The following BRD7 variants were observed in gnomAD, a reference collection of about 807,000 sequenced individuals.
BRD7 encodes bromodomain-containing protein 7.
Under a neutral mutation model 82.1 loss-of-function variants are expected in BRD7, and 15 were observed. The ratio of observed to expected loss-of-function variants is 0.18; its 90% CI spans 0.12 to 0.28. BRD7 has a LOEUF of 0.28. BRD7 is among the 10% of genes least tolerant of loss of function. The pLI is 1.00. For synonymous variants in BRD7, 232 were observed against 266.9 expected, an observed-to-expected ratio of 0.87 and a Z score of 1.27; for missense variants, 638 against 779.9, an observed-to-expected ratio of 0.82 and a Z score of 2.17.
chr16:50,323,509 C>CATTATACTGA, intron 12 of BRD7, 78 bp downstream of exon 12: 2 of 1,211,382 alleles, frequency 1.7e-6, no homozygotes, highest in Admixed American at 1.8e-5. Flanking sequence ...TTGTTAATCC[C>CATTATACTGA]ATGGTTTCAT....
chr16:50,356,845 TA>T (rs2038756115), intron 2 of BRD7, among the ~76,000 whole-genome samples: 1 of 152,188 alleles, frequency 6.6e-6, no homozygotes, highest in Admixed American at 6.5e-5. Context: ...TCTGCATTCT[TA>T]AAATTTAAAT....
intron 5 of BRD7, among the ~76,000 whole-genome samples, chr16:50,345,915 A>G (rs1396711024): frequency 3.3e-5 from 5 of 152,182 alleles, no homozygotes; most frequent in Non-Finnish European, 5.9e-5. Flanking sequence ...TGCACCAAGC[A>G]GACCTAATAG....
rs2151219852 is a variant in BRD7, at chr16:50,368,163, T to C, written c.185A>G (p.Lys62Arg). 3.1e-6 allele frequency: 5 copies of C among 1,614,160 alleles called. No individual in the cohort carries two copies. The East Asian group carries it at 1.1e-4, about 36-fold the overall frequency. ...KNDHDKHKDR[K>R]RKKRKKGEKQ... is the part of the protein sequence containing the mutation. The stretch of plus-strand genomic sequence containing the variant: ...CTCTCCTTTCTTTCTCTTTTTCCGC[T>C]TTCTGTCCTTGTGTTTGTCATGATC... The change falls in exon 2 of 17, where the codon AAG becomes AGG. Residue 62 changes from lysine (K) to arginine (R), a missense_variant. Around this residue, in one of 3 missense-constraint regions of BRD7, gnomAD observed 172 missense variants for 155.3 expected, o/e 1.11. Coordinates refer to ENST00000394688, the MANE Select transcript of BRD7 (RefSeq NM_013263.5).
intron 5 of BRD7, among the ~76,000 whole-genome samples, chr16:50,346,956 A>G (rs2038309360): frequency 6.6e-6 from 1 of 152,200 alleles, no homozygotes; most frequent in Non-Finnish European, 1.5e-5. Context: ...AGACACAACA[A>G]AAAAAGAGAA....
intron 13 of BRD7, among the ~76,000 whole-genome samples, chr16:50,321,164 C>A (rs2037082959): frequency 6.6e-6 from 1 of 152,172 alleles, no homozygotes; most frequent in Non-Finnish European, 1.5e-5. Context: ...TATTTCAGTC[C>A]ATCTAGTCCG....
At chr16:50,362,247 T>C (rs539174771) in intron 2 of BRD7, among the ~76,000 whole-genome samples, 1 of 152,330 alleles carries the variant, frequency 6.6e-6, no homozygotes. Flanking sequence ...GGGCACTGAC[T>C]TTATTTCCCC....
intron 8 of BRD7, among the ~76,000 whole-genome samples, chr16:50,329,603 A>T (rs2037474448): frequency 6.6e-6 from 1 of 152,134 alleles, no homozygotes; most frequent in Non-Finnish European, 1.5e-5. Flanking sequence ...CCTGTGCGTG[A>T]GTACAAGGAC....
chr16:50,368,901 G>A lies in BRD7; in HGVS notation c.-127C>T, dbSNP rs1282059677. On this transcript the variant is annotated 5_prime_UTR_variant, in exon 1 of 17. Transcript: ENST00000394688. ...GAGACCCCGCGCCGCGAGGCAGGGG[G>A]GCGGCGCGCGCCGGGCGGCGCGATG... The A allele has an allele frequency of 4.9e-5, 22 of 446,128 alleles. No individual in the cohort carries two copies. The highest frequency in any genetic ancestry group is 6.6e-5 in the Admixed American group (1 of 15,134). The allele number at this position is 446,128 out of a possible 1,614,324, so 27.6% of individuals were successfully genotyped here.
In BRD7 at chr16:50,318,932, A is replaced by T; in HGVS notation, c.*279T>A. On this transcript the variant is annotated 3_prime_UTR_variant, in exon 17 of 17. Coordinates refer to ENST00000394688, the MANE Select transcript of BRD7 (RefSeq NM_013263.5). ...GCCGTTTTAAGAACGCTTCTTAGTG[A>T]TGATCCTGTCTGTGGGACATAAGGA... 1 of 335,228 alleles carries T rather than the reference A, an allele frequency of 3.0e-6. No individual in the cohort carries two copies. Among genetic ancestry groups the T allele is most frequent in the African/African-American group, 2.1e-5 (1 of 46,744 alleles). The allele number at this position is 335,228 out of a possible 1,614,324, so 20.8% of individuals were successfully genotyped here. A position where few individuals can be genotyped will look rare whatever the true frequency, so the allele number is the denominator to read the frequency against.
intron 2 of BRD7, among the ~76,000 whole-genome samples, chr16:50,356,045 G>A (rs2038718535): frequency 6.6e-6 from 1 of 152,220 alleles, no homozygotes; most frequent in Non-Finnish European, 1.5e-5. Flanking sequence ...AATGTGAAAT[G>A]TTGAGAACAT....
At chr16:50,320,071 C>G in intron 15 of BRD7, 41 bp from the exon 16 acceptor site, 1 of 1,575,548 alleles carries the variant, frequency 6.3e-7, no homozygotes, top group East Asian at 2.2e-5. Context: ...AAGCATGGTT[C>G]CTTTAGATAG....
intron 2 of BRD7, 94 bp from the exon 3 acceptor site, chr16:50,355,016 A>G: frequency 1.4e-6 from 2 of 1,397,752 alleles, no homozygotes; most frequent in Admixed American, 2.2e-5. Flanking sequence ...ACATCATTGT[A>G]AAGAAAATAT....
At chr16:50,320,843 C>A in intron 13 of BRD7, 69 bp from the exon 14 acceptor site, 1 of 1,048,396 alleles carries the variant, frequency 9.5e-7, no homozygotes, top group Non-Finnish European at 1.5e-6. Context: ...CTAGAAATTA[C>A]TCAGATGGCA....
At chr16:50,319,749 C>A (rs1367475958) in intron 16 of BRD7, 138 bp downstream of exon 16, 4 of 1,071,450 alleles carry the variant, frequency 3.7e-6, no homozygotes, top group African/African-American at 1.6e-5. Context: ...ATGTTAGGGA[C>A]TTGAGCATCT....
intron 4 of BRD7, among the ~76,000 whole-genome samples, chr16:50,352,320 G>C (rs1373091621): frequency 6.6e-6 from 1 of 152,144 alleles, no homozygotes; most frequent in Non-Finnish European, 1.5e-5. Context: ...TCTGTGTTTG[G>C]CTTATTTAAC....
chr16:50,325,653 T>C (rs761710624), intron 11 of BRD7, 95 bp downstream of exon 11: 4 of 1,204,510 alleles, frequency 3.3e-6, no homozygotes, highest in Non-Finnish European at 4.5e-6. Context: ...CATTTTTTTT[T>C]ACTACTCGGC....
chr16:50,368,709 C>T lies in BRD7; in HGVS notation c.49+17G>A, dbSNP rs753198237. 1.9e-6 allele frequency: 3 copies of T among 1,554,300 alleles called. No individual in the cohort carries two copies. Among genetic ancestry groups the T allele is most frequent in the Non-Finnish European group, 2.6e-6 (3 of 1,152,184 alleles). The stretch of plus-strand genomic sequence containing the variant: ...GCCGCCGAGGGCCCGCCGCCCGCAC[C>T]CCGGCCCCCTCCTCACCCTCGTAGA... On this transcript the variant is annotated intron_variant, in intron 1 of 16. Transcript: ENST00000394688.
Position 50,323,662 on chromosome 16 carries a change from C to T in BRD7, c.1368G>A (p.Pro456=), listed in dbSNP as rs139109763. ...CCAGTAAACTATCTGCCATGACATA[C>T]GGATAATCTTGGCACGTGGCCAAAA... The part of the protein sequence containing the change: ...HEFLATCQDY[P]YVMADSLLDV... The change falls in exon 12 of 17, where the codon CCG becomes CCA. Residue 456 remains proline (P), a synonymous_variant. Transcript: ENST00000394688. The T allele has an allele frequency of 9.3e-4, 1,506 of 1,613,724 alleles. 1 individual carries two copies. The highest frequency in any genetic ancestry group is 1.3e-3 in the Middle Eastern group (8 of 6,054).
intron 2 of BRD7, among the ~76,000 whole-genome samples, chr16:50,362,901 T>C (rs1385210216): frequency 1.3e-5 from 2 of 152,172 alleles, no homozygotes; most frequent in African/African-American, 4.8e-5. Context: ...ATAATTAAAA[T>C]GGTAAATTTT....
Sources: gnomAD v4.1 joint callset for allele counts (sites outside exome capture counted in the v4.1 genomes callset) on GRCh38, gnomAD v4.1.1 for gene constraint, gnomAD v4.1.1 regional missense constraint, MANE v1.5 for transcripts, NCBI Gene and HGNC (gene_info 2026-07-23, HGNC 2026-07-21) for gene names.